The following SYNPO variants were observed in gnomAD, a reference collection of about 807,000 sequenced individuals.
The protein encoded by SYNPO is synaptopodin.
Under a neutral mutation model 49.5 loss-of-function variants are expected in SYNPO, and 19 were observed. That is an observed-to-expected ratio of 0.38 (90% CI 0.27 to 0.56). The LOEUF is 0.56. Ranked by LOEUF, SYNPO falls within the 20% of genes least tolerant of loss-of-function variation. The pLI, the probability that SYNPO is intolerant of heterozygous loss-of-function variation, is 0.68. For synonymous variants in SYNPO, 536 were observed against 548.0 expected (o/e 0.98, Z 0.31); for missense variants, 1,131 against 1,248.3 (o/e 0.91, Z 1.42).
intron 2 of SYNPO, among the ~76,000 whole-genome samples, chr5:150,624,559 C>T (rs1757281069): frequency 1.3e-5 from 2 of 152,016 alleles, no homozygotes; most frequent in South Asian, 2.1e-4. Flanking sequence ...GAGAGGTGCC[C>T]CCGCCTGGAG....
chr5:150,636,303 T>G (rs532573199), upstream of SYNPO, among the ~76,000 whole-genome samples: 1 of 152,346 alleles, frequency 6.6e-6, no homozygotes, highest in East Asian at 1.9e-4. Flanking sequence ...CTTTTCCAAT[T>G]CACATTTGAA....
At chr5:150,631,256 C>T (rs564603247) in intron 2 of SYNPO, among the ~76,000 whole-genome samples, 1 of 152,318 alleles carries the variant, frequency 6.6e-6, no homozygotes, top group East Asian at 1.9e-4. Context: ...AAAACAAATC[C>T]TTATGGAATT....
intron 1 of SYNPO, among the ~76,000 whole-genome samples, chr5:150,647,676 CA>C (rs1219201721): frequency 1.3e-5 from 2 of 152,194 alleles, no homozygotes; most frequent in African/African-American, 4.8e-5. Flanking sequence ...CAGCAACTGT[CA>C]GGGGGATTCC....
chr5:150,643,386 A>C (rs776663082), intron 1 of SYNPO, among the ~76,000 whole-genome samples: 11 of 152,262 alleles, frequency 7.2e-5, no homozygotes, highest in Non-Finnish European at 1.3e-4. Context: ...GTGTACAGTA[A>C]GTGACCAATC....
intron 2 of SYNPO, among the ~76,000 whole-genome samples, chr5:150,625,445 G>T (rs1378522242): frequency 6.6e-6 from 1 of 152,196 alleles, no homozygotes; most frequent in Non-Finnish European, 1.5e-5. Flanking sequence ...TGGCTGTGCC[G>T]GTGGGGCACA....
At chr5:150,594,459 C>A in the SYNPO span, among the ~76,000 whole-genome samples, 1 of 152,188 alleles carries the variant, frequency 6.6e-6, no homozygotes, top group African/African-American at 2.4e-5. Context: ...TCCCCACAAC[C>A]TACCAACAGG....
Position 150,649,311 on chromosome 5 carries a change from A to G in SYNPO, c.1036A>G (p.Ser346Gly), listed in dbSNP as rs1437418599. ...TCCCTCATATTCTGTCCTGTATCCC[A>G]GCTCCGACCCCAAGTCTTCTCATCT... ...SPPSYSVLYP[S>G]SDPKSSHLKG... is the part of the protein sequence containing the mutation. Residue 346 changes from serine to glycine, a missense_variant, in exon 2 of 3, where the codon AGC becomes GGC. Physicochemically the swap from Ser to Gly is moderately conservative, Grantham distance 56 (BLOSUM62 0). This residue lies in a region of SYNPO where 602 missense variants were observed against 720.7 expected (regional missense o/e 0.84). Coordinates refer to ENST00000307662, the MANE Select transcript of SYNPO (RefSeq NM_007286.6). The G allele has an allele frequency of 6.2e-7, 1 of 1,614,176 alleles. No homozygotes were observed. Among genetic ancestry groups the G allele is most frequent in the South Asian group, 1.1e-5 (1 of 91,082 alleles).
At chr5:150,620,901 C>A (rs7719755) in intron 2 of SYNPO, among the ~76,000 whole-genome samples, 1 of 87,688 alleles carries the variant, frequency 1.1e-5, no homozygotes, top group African/African-American at 6.4e-5. Flanking sequence ...CTTTTTTTCT[C>A]TTTCTTTCTT....
In SYNPO at chr5:150,657,984, G is replaced by A. The variant is rs896800331; in HGVS notation, c.*897G>A. The A allele has an allele frequency of 1.4e-4, 21 of 152,354 alleles. No homozygotes were observed. The highest frequency in any genetic ancestry group is 4.6e-4 in the African/African-American group (19 of 41,424). The allele number at this position is 152,354 out of a possible 1,614,324, so 9.4% of individuals were successfully genotyped here. On this transcript the variant is annotated 3_prime_UTR_variant, in exon 3 of 3. Coordinates refer to ENST00000307662, the MANE Select transcript of SYNPO (RefSeq NM_007286.6). The stretch of plus-strand genomic sequence containing the variant: ...CAGGTTCTGGGCTCAAAGCTGAACT[G>A]GGGAGAGAAGAGATACAGAGCTACC...
At chr5:150,621,674 G>A (rs1421907978) in intron 2 of SYNPO, among the ~76,000 whole-genome samples, 2 of 152,190 alleles carry the variant, frequency 1.3e-5, no homozygotes, top group Non-Finnish European at 2.9e-5. Flanking sequence ...TTAAGTATGA[G>A]CCACTATATC....
At chr5:150,652,130 G>A in intron 2 of SYNPO, 1 of 1,002,000 alleles carries the variant, frequency 1.0e-6, no homozygotes, top group Non-Finnish European at 1.2e-6. Flanking sequence ...GAGGGGGTAT[G>A]CGTGGGGGAG....
Position 150,648,912 on chromosome 5 carries a change from G to A in SYNPO, c.637G>A (p.Ala213Thr). The change falls in exon 2 of 3, where the codon GCA becomes ACA. Residue 213 changes from alanine (A) to threonine (T), a missense_variant. Around this residue, in one of 4 missense-constraint regions of SYNPO, gnomAD observed 602 missense variants for 720.7 expected, o/e 0.84. Transcript: ENST00000307662. The surrounding 1 kb of genome is among the most constrained non-coding windows in gnomAD (Gnocchi z 5.0). ...AGCAGATCAAGAGATGTCTGGGCGAGCAGCTGCCACCACGCCCACCAAGGT... is the reference window on the plus strand; with the variant it reads ...AGCAGATCAAGAGATGTCTGGGCGAACAGCTGCCACCACGCCCACCAAGGT... ...VSADQEMSGR[A>T]AATTPTKVYS... 1 of 1,614,204 alleles carries A rather than the reference G, an allele frequency of 6.2e-7. No homozygotes were observed. Among genetic ancestry groups the A allele is most frequent in the Non-Finnish European group, 8.5e-7 (1 of 1,180,044 alleles).
At chr5:150,620,622 G>A (rs770248096) in intron 2 of SYNPO, among the ~76,000 whole-genome samples, 3 of 152,242 alleles carry the variant, frequency 2.0e-5, no homozygotes, top group Non-Finnish European at 4.4e-5. Flanking sequence ...GAATGGAAGA[G>A]CCCATGGATG....
At chr5:150,623,150 C>T (rs111393526) in intron 2 of SYNPO, among the ~76,000 whole-genome samples, 9,151 of 152,248 alleles carry the variant, frequency 0.06, 655 homozygotes, top group East Asian at 0.27. Context: ...CACACTTTCT[C>T]ACACAAACAC....
At chr5:150,638,441 C>G (rs1757790601), upstream of SYNPO, among the ~76,000 whole-genome samples, 1 of 152,212 alleles carries the variant, frequency 6.6e-6, no homozygotes, top group African/African-American at 2.4e-5. Flanking sequence ...TTAGACAAAT[C>G]TAAAATTCAT....
At chr5:150,652,416 T>C in intron 2 of SYNPO, 1 of 986,014 alleles carries the variant, frequency 1.0e-6, no homozygotes, top group Non-Finnish European at 1.2e-6. Context: ...GCCTGGGAAG[T>C]GGAGTGGGCC....
chr5:150,654,486 G>A (rs572198988), intron 2 of SYNPO, among the ~76,000 whole-genome samples: 10 of 152,258 alleles, frequency 6.6e-5, no homozygotes, highest in Admixed American at 3.3e-4. Context: ...TCACTAGTCT[G>A]TTGTGAAAAC....
chr5:150,602,279 C>G lies in SYNPO; in HGVS notation c.-266+1091C>G, dbSNP rs183932886. ...ACTGCCTTGCTACGGATGTTGGACA[C>G]GTCTCCTCCTGTCTCCGGGCCTGTT... On this transcript the variant is annotated intron_variant, in intron 1 of 2. Transcript: ENST00000394243. 2.2e-3 allele frequency among the ~76,000 whole-genome samples: 334 copies of G among 152,348 alleles called. 1 individual carries two copies. The highest frequency in any genetic ancestry group is 7.4e-3 in the African/African-American group (307 of 41,582).
intron 1 of SYNPO, among the ~76,000 whole-genome samples, chr5:150,601,985 G>C (rs1030392647): frequency 7.3e-5 from 11 of 151,430 alleles, no homozygotes; most frequent in African/African-American, 2.7e-4. Flanking sequence ...CACCACTGTA[G>C]CCCTGGCAGG....
Sources: gnomAD v4.1 joint callset for allele counts (sites outside exome capture counted in the v4.1 genomes callset) on GRCh38, gnomAD v4.1.1 for gene constraint, gnomAD v4.1.1 regional missense constraint, Gnocchi (gnomAD v3.1) non-coding constraint, MANE v1.5 for transcripts, NCBI Gene and HGNC (gene_info 2026-07-23, HGNC 2026-07-21) for gene names.